PLEC: variants seen among roughly 807,000 people sequenced by gnomAD.
PLEC encodes the protein plectin, also known as hemidesmosomal protein 1.
In PLEC, 216 loss-of-function variants were observed where a neutral mutation model predicts 392.8. The ratio of observed to expected loss-of-function variants is 0.55; its 90% CI spans 0.49 to 0.62. The LOEUF is 0.62. Among genes scored for constraint, PLEC ranks in the 20% least tolerant of loss-of-function variants. PLEC has a pLI of 0.00. For synonymous variants in PLEC, 3,621 were observed against 2,980.6 expected (o/e 1.21, Z -7.00); for missense variants, 6,863 against 6,563.4 (o/e 1.05, Z -1.58).
At chr8:143,972,771 G>T (rs1833495708) in intron 1 of PLEC, among the ~76,000 whole-genome samples, 1 of 152,232 alleles carries the variant, frequency 6.6e-6, no homozygotes. Flanking sequence ...AGGGTCCAGG[G>T]GCTCCCCGTG....
chr8:143,916,965 T>C lies in PLEC; in HGVS notation c.12856A>G (p.Thr4286Ala). ...ATGGACACCTTCTCCAGCGTCTCCG[T>C]GTCCAGGATGCCAGCCACGGGGCCC... ...ETGPVAGILDTETLEKVSITE... is the reference protein window; with the variant it reads ...ETGPVAGILDAETLEKVSITE... Residue 4286 changes from threonine to alanine, a missense_variant, in exon 32 of 32, where the codon ACG becomes GCG. Thr to Ala is a moderately conservative substitution (Grantham distance 58). Transcript: ENST00000345136. 1 of 1,612,794 alleles carries C rather than the reference T, an allele frequency of 6.2e-7. No individual in the cohort carries two copies. Among genetic ancestry groups the C allele is most frequent in the Non-Finnish European group, 8.5e-7 (1 of 1,179,966 alleles).
In PLEC at chr8:143,921,729, T is replaced by A; in HGVS notation, c.8092A>T (p.Ile2698Phe). Residue 2698 changes from isoleucine to phenylalanine, a missense_variant, in exon 32 of 32, where the codon ATC becomes TTC. Physicochemically the swap from Ile to Phe is conservative, Grantham distance 21. Transcript: ENST00000345136. ...GTGGCCTTCAGCAACAGCCCTGCGATACTGCTGCGGCCCTGCAGGTAGTGG... is the reference window on the plus strand; with the variant it reads ...GTGGCCTTCAGCAACAGCCCTGCGAAACTGCTGCGGCCCTGCAGGTAGTGG... The part of the protein sequence containing the change: ...VRHYLQGRSS[I>F]AGLLLKATNE... 1 of 1,612,852 alleles carries A rather than the reference T, an allele frequency of 6.2e-7. No homozygotes were observed. The highest frequency in any genetic ancestry group is 8.5e-7 in the Non-Finnish European group (1 of 1,179,908).
At chr8:143,975,742 C>T (rs73377253), upstream of PLEC, among the ~76,000 whole-genome samples, 2,007 of 152,140 alleles carry the variant, frequency 0.013, 50 homozygotes, top group African/African-American at 0.046. This position sits in a 1 kb window ranked among gnomAD's most constrained non-coding sequence, Gnocchi z 9.9. Flanking sequence ...CTTAGTCACC[C>T]ACACCCCACC....
upstream of PLEC, chr8:143,942,660 CGG>C: frequency 9.2e-7 from 1 of 1,083,160 alleles, no homozygotes; most frequent in Non-Finnish European, 1.3e-6. Flanking sequence ...CCGCCCACTG[CGG>C]GAGCGAGGCC....
chr8:143,959,094 G>A (rs1470578262), intron 1 of PLEC, among the ~76,000 whole-genome samples: 2 of 152,250 alleles, frequency 1.3e-5, no homozygotes, highest in Non-Finnish European at 2.9e-5. Flanking sequence ...CACCCTCCCA[G>A]TGTGAGGCGA....
In PLEC at chr8:143,916,041, T is replaced by C. The variant is rs371121842; in HGVS notation, c.*136A>G. On this transcript the variant is annotated 3_prime_UTR_variant, in exon 32 of 32. Coordinates refer to ENST00000345136, the MANE Select transcript of PLEC (RefSeq NM_201384.3). ...TGTCTGGACAGCAGATATATATTAA[T>C]ATATTAGTCTGGTCTTTTTGGTTAA... is the stretch of plus-strand genomic sequence containing the variant. 432 of 589,040 alleles carry C rather than the reference T, an allele frequency of 7.3e-4. 2 individuals are homozygous for C. The highest frequency in any genetic ancestry group is 7.2e-3 in the African/African-American group (364 of 50,846). 36.5% of individuals were successfully genotyped at this position (589,040 alleles called of 1,614,324 possible). A position where few individuals can be genotyped will look rare whatever the true frequency, so the allele number is the denominator to read the frequency against.
Position 143,929,575 on chromosome 8 carries a change from G to A in PLEC, c.2924-4C>T. The A allele has an allele frequency of 6.2e-7, 1 of 1,612,310 alleles. No individual in the cohort carries two copies. Among genetic ancestry groups the A allele is most frequent in the South Asian group, 1.1e-5 (1 of 91,086 alleles). The stretch of plus-strand genomic sequence containing the variant: ...CAGCGAGACTCTTCCTGTGCACCTG[G>A]GGAACACATGTGGGTCACTCCACCG... On this transcript the variant is annotated splice_region_variant and splice_polypyrimidine_tract_variant and intron_variant, in intron 23 of 31. Coordinates refer to ENST00000345136, the MANE Select transcript of PLEC (RefSeq NM_201384.3).
intron 1 of PLEC, chr8:143,946,323 C>CACA (rs1205350634): frequency 7.8e-7 from 1 of 1,287,376 alleles, no homozygotes; most frequent in African/African-American, 1.5e-5. Context: ...CTCTGCCTCC[C>CACA]ACAGCCCCCA....
chr8:143,925,946 C>T lies in PLEC; in HGVS notation c.4045-62G>A, dbSNP rs1209089352. 50 of 1,487,080 alleles carry T rather than the reference C, an allele frequency of 3.4e-5. No homozygotes were observed. In the East Asian group the frequency reaches 3.7e-4, roughly 11 times the overall value. 92.1% of individuals were successfully genotyped at this position (1,487,080 alleles called of 1,614,324 possible). On this transcript the variant is annotated intron_variant, in intron 30 of 31. Coordinates refer to ENST00000345136, the MANE Select transcript of PLEC (RefSeq NM_201384.3). ...GAGTGTGAACACGGGCAGGCGCTGA[C>T]GGGGCACGCACCGGCACAGTTCACT... is the stretch of plus-strand genomic sequence containing the variant.
chr8:143,928,929 G>C (rs1416051315), intron 25 of PLEC, among the ~76,000 whole-genome samples, 174 bp downstream of exon 25: 2 of 152,122 alleles, frequency 1.3e-5, no homozygotes, highest in African/African-American at 4.8e-5. Context: ...ATCCAGCCCT[G>C]AACTCTTCTC....
chr8:143,931,944 T>G lies in PLEC; in HGVS notation c.2171A>C (p.Tyr724Ser). ...GGGGGCTCCGGTTCTCACCTGAAAG[T>G]AGGCAGCGTTCTCCTTCAGGTGTGC... ...IEAHLKENAA[Y>S]FQFFSDVREA... Residue 724 changes from tyrosine to serine, a missense_variant, in exon 18 of 32, where the codon TAC (tyrosine) becomes TCC (serine). Physicochemically the swap from Tyr to Ser is moderately radical, Grantham distance 144 (BLOSUM62 -2). Coordinates refer to ENST00000345136, the MANE Select transcript of PLEC (RefSeq NM_201384.3). 6.2e-7 allele frequency: 1 copy of G among 1,605,890 alleles called. No homozygotes were observed. Among genetic ancestry groups the G allele is most frequent in the African/African-American group, 1.3e-5 (1 of 74,926 alleles).
chr8:143,926,820 G>T lies in PLEC; in HGVS notation c.4008C>A (p.Phe1336Leu), dbSNP rs782703157. The change falls in exon 30 of 32, where the codon TTC becomes TTA. Residue 1336 changes from phenylalanine to leucine, a missense_variant. Coordinates refer to ENST00000345136, the MANE Select transcript of PLEC (RefSeq NM_201384.3). Reference protein sequence around the residue: ...LTTLTSQYIKFISETLRRMEE... With the variant: ...LTTLTSQYIKLISETLRRMEE... ...CCATGCGCCGCAGAGTCTCGCTGAT[G>T]AACTTGATGTACTGGCTCGTCAGTG... 6.2e-7 allele frequency: 1 copy of T among 1,613,926 alleles called. No homozygotes were observed. Among genetic ancestry groups the T allele is most frequent in the Non-Finnish European group, 8.5e-7 (1 of 1,179,994 alleles).
At chr8:143,940,503 T>TAAAGGGC (rs1169724852), upstream of PLEC, among the ~76,000 whole-genome samples, 1 of 152,108 alleles carries the variant, frequency 6.6e-6, no homozygotes, top group Non-Finnish European at 1.5e-5. Flanking sequence ...TCTCATGCTG[T>TAAAGGGC]AAAGGGCAAA....
chr8:143,933,769 G>T (rs1237535792), intron 12 of PLEC, among the ~76,000 whole-genome samples: 1 of 152,236 alleles, frequency 6.6e-6, no homozygotes, highest in Non-Finnish European at 1.5e-5. Context: ...CCCAGCGTGG[G>T]TTCTGCCCCG....
chr8:143,949,642 G>A (rs533512636), intron 1 of PLEC, among the ~76,000 whole-genome samples: 3 of 152,130 alleles, frequency 2.0e-5, no homozygotes, highest in Non-Finnish European at 4.4e-5. Context: ...TCCCCATCCC[G>A]CCCAGGGCCG....
At chr8:143,954,784 C>T (rs1832500480), upstream of PLEC, among the ~76,000 whole-genome samples, 4 of 152,146 alleles carry the variant, frequency 2.6e-5, 1 homozygote, top group South Asian at 4.1e-4. This position sits in a 1 kb window ranked among gnomAD's most constrained non-coding sequence, Gnocchi z 4.6. Context: ...ACACTGGCCC[C>T]GGGACTGTGC....
At chr8:143,974,990 G>T (rs1833607194), upstream of PLEC, among the ~76,000 whole-genome samples, 2 of 152,198 alleles carry the variant, frequency 1.3e-5, no homozygotes, top group African/African-American at 2.4e-5. This position sits in a 1 kb window ranked among gnomAD's most constrained non-coding sequence, Gnocchi z 5.9. Context: ...CTCATGAACC[G>T]CCTGGGCGCG....
chr8:143,917,198 G>A lies in PLEC; in HGVS notation c.12623C>T (p.Ala4208Val). 6.2e-7 allele frequency: 1 copy of A among 1,612,832 alleles called. No individual in the cohort carries two copies. Among genetic ancestry groups the A allele is most frequent in the Non-Finnish European group, 8.5e-7 (1 of 1,179,604 alleles). ...RSGRQYDIDD[A>V]IAKNLIDRSA... is the part of the protein sequence containing the mutation. Reference sequence around the variant, plus strand: ...GCGGTCGATGAGGTTCTTGGCGATGGCATCATCGATGTCGTACTGGCGCCC... The same window carrying A: ...GCGGTCGATGAGGTTCTTGGCGATGACATCATCGATGTCGTACTGGCGCCC... Residue 4208 changes from alanine (A) to valine (V), a missense_variant, in exon 32 of 32, where the codon GCC becomes GTC. Coordinates refer to ENST00000345136, the MANE Select transcript of PLEC (RefSeq NM_201384.3).
chr8:143,931,525 C>A lies in PLEC; in HGVS notation c.2304+9G>T. The A allele has an allele frequency of 6.3e-7, 1 of 1,582,864 alleles. No individual in the cohort carries two copies. The highest frequency in any genetic ancestry group is 2.3e-5 in the East Asian group (1 of 43,220). On this transcript the variant is annotated intron_variant, in intron 19 of 31. Transcript: ENST00000345136. Reference sequence around the variant, plus strand: ...CTCCTGACACGCCCCTGCACACCCCCTCCCTCACCTGGGCATCCTGCAGCA... The same window carrying A: ...CTCCTGACACGCCCCTGCACACCCCATCCCTCACCTGGGCATCCTGCAGCA...
Sources: allele counts gnomAD v4.1 joint callset (sites outside exome capture counted in the v4.1 genomes callset), GRCh38; gene constraint gnomAD v4.1.1; non-coding constraint Gnocchi (gnomAD v3.1); transcripts MANE v1.5; gene names NCBI Gene and HGNC (gene_info 2026-07-23, HGNC 2026-07-21).